PAX6: variants seen among roughly 807,000 people sequenced by gnomAD.
The protein encoded by PAX6 is paired box protein Pax-6.
Under a neutral mutation model 60.7 loss-of-function variants are expected in PAX6, and 7 were observed. That is an observed-to-expected ratio of 0.12 (90% CI 0.07 to 0.22). The LOEUF (loss-of-function observed/expected upper bound fraction) is 0.22. Ranked by LOEUF, PAX6 falls within the 10% of genes least tolerant of loss-of-function variation. PAX6 has a pLI of 1.00. For synonymous variants in PAX6, 208 were observed against 201.2 expected, an observed-to-expected ratio of 1.03 and a Z score of -0.29; for missense variants, 355 against 555.2, an observed-to-expected ratio of 0.64 and a Z score of 3.62.
upstream of PAX6, among the ~76,000 whole-genome samples, chr11:31,815,902 G>A (rs965764562): frequency 1.3e-5 from 2 of 152,238 alleles, no homozygotes; most frequent in Non-Finnish European, 2.9e-5. Flanking sequence ...GGACAGAGGG[G>A]CTGACAGGAA....
At chr11:31,797,715 G>A (rs1952068944) in intron 8 of PAX6, among the ~76,000 whole-genome samples, 1 of 152,142 alleles carries the variant, frequency 6.6e-6, no homozygotes, top group Admixed American at 6.5e-5. Context: ...CCACTTTAGT[G>A]GATTTGCCTT....
intron 8 of PAX6, among the ~76,000 whole-genome samples, chr11:31,798,842 G>C (rs1198031522): frequency 6.6e-6 from 1 of 152,206 alleles, no homozygotes; most frequent in Non-Finnish European, 1.5e-5. Flanking sequence ...CGAATCGGGC[G>C]CCACCTCTGG....
At chr11:31,793,046 C>T (rs1224866435) in intron 12 of PAX6, 5 of 578,814 alleles carry the variant, frequency 8.6e-6, no homozygotes, top group Non-Finnish European at 1.5e-5. Flanking sequence ...ATTTAGCATA[C>T]AAACACATTA....
At chr11:31,815,763 G>A (rs1331275785), upstream of PAX6, among the ~76,000 whole-genome samples, 1 of 130,612 alleles carries the variant, frequency 7.7e-6, no homozygotes, top group African/African-American at 3.0e-5. Flanking sequence ...ATTTGTCAGC[G>A]CTATCTCCAA....
chr11:31,789,436 C>A lies in PAX6; in HGVS notation c.*498G>T. ...TGACATAAATCTAGTGCATGTTGTT[C>A]CAGGTTTAATTATATGCAAAGGAAT... On this transcript the variant is annotated 3_prime_UTR_variant, in exon 14 of 14. Transcript: ENST00000640368. 2.4e-6 allele frequency: 1 copy of A among 416,866 alleles called. No homozygotes were observed. The highest frequency in any genetic ancestry group is 4.2e-6 in the Non-Finnish European group (1 of 237,270). 25.8% of individuals were successfully genotyped at this position (416,866 alleles called of 1,614,324 possible).
rs905760250 is a variant in PAX6, at chr11:31,790,646, G to A, written c.1225+64C>T. ...CCCTCCCATAAGACCAGGAGATTCT[G>A]TTTGGGTAAACTTCTAGTGAAGAGA... On this transcript the variant is annotated intron_variant, in intron 13 of 13. Coordinates refer to ENST00000640368, the MANE Select transcript of PAX6 (RefSeq NM_001368894.2). 2.5e-6 allele frequency: 4 copies of A among 1,607,822 alleles called. No homozygotes were observed. In the African/African-American group the frequency reaches 4.0e-5, roughly 16 times the overall value.
chr11:31,796,351 G>A (rs986656809), intron 8 of PAX6, among the ~76,000 whole-genome samples: 1 of 152,136 alleles, frequency 6.6e-6, no homozygotes. Context: ...GGGCCACATT[G>A]TGTTACAAGA....
intron 12 of PAX6, chr11:31,792,265 G>A (rs960825091): frequency 2.0e-5 from 3 of 152,150 alleles, no homozygotes; most frequent in African/African-American, 4.8e-5. Context: ...AAATTCCAAC[G>A]CAGTTATAGC....
intron 7 of PAX6, 115 bp downstream of exon 7, chr11:31,801,446 T>A: frequency 6.3e-7 from 1 of 1,576,056 alleles, no homozygotes; most frequent in East Asian, 2.3e-5. Flanking sequence ...GAGACAAATG[T>A]GGAGCAGGGA....
chr11:31,805,552 C>G (rs1592599211), intron 4 of PAX6: 1 of 152,678 alleles, frequency 6.5e-6, no homozygotes, highest in South Asian at 2.1e-4. Flanking sequence ...GTGCCTCAAC[C>G]GTAACCTCAA....
At chr11:31,790,097 CA>C (rs1171009926) in intron 13 of PAX6, 78 bp from the exon 14 acceptor site, 732 of 144,922 alleles carry the variant, frequency 5.1e-3, no homozygotes, top group East Asian at 0.017. Context: ...TATAGGTTTA[CA>C]AAAAAAAAAA....
At chr11:31,806,515 T>C in intron 3 of PAX6, 53 bp from the exon 4 acceptor site, 1 of 1,426,160 alleles carries the variant, frequency 7.0e-7, no homozygotes, top group Non-Finnish European at 9.7e-7. Flanking sequence ...CAGGTAGGCC[T>C]GAACTCCCAA....
At chr11:31,790,349 GCAAAAGGT>G (rs978984665) in intron 13 of PAX6, 2 of 847,898 alleles carry the variant, frequency 2.4e-6, no homozygotes, top group African/African-American at 3.5e-5. Flanking sequence ...TTTATTTCCA[GCAAAAGGT>G]CTAGAGGAGC....
rs1265158533 is a variant in PAX6, at chr11:31,800,859, G to T, written c.400-3C>A. 6.2e-7 allele frequency: 1 copy of T among 1,613,924 alleles called. No homozygotes were observed. Among genetic ancestry groups the T allele is most frequent in the Non-Finnish European group, 8.5e-7 (1 of 1,179,932 alleles). ...AGAACTCTGTTTATTGATGACACCT[G>T]CAAATCAAACCAAAATCAAACCAAA... On this transcript the variant is annotated splice_region_variant and splice_polypyrimidine_tract_variant and intron_variant, in intron 7 of 13. Coordinates refer to ENST00000640368, the MANE Select transcript of PAX6 (RefSeq NM_001368894.2).
chr11:31,814,990 GTC>G (rs71060502), upstream of PAX6: 33,063 of 130,204 alleles, frequency 0.25, 4,025 homozygotes, highest in South Asian at 0.29. Context: ...AGGCCAGCCT[GTC>G]TCTCTCTCTC....
chr11:31,815,888 C>A (rs571410976), upstream of PAX6, among the ~76,000 whole-genome samples: 1 of 152,212 alleles, frequency 6.6e-6, no homozygotes, highest in Non-Finnish European at 1.5e-5. Context: ...AACCGCTGCC[C>A]GGGGGACAGA....
chr11:31,811,792 C>G (rs2135421428), upstream of PAX6: 1 of 148,182 alleles, frequency 6.7e-6, no homozygotes, highest in African/African-American at 2.5e-5. Flanking sequence ...ACAGCGGCGG[C>G]CGCACCCCAG....
chr11:31,806,696 C>T (rs2135305463), intron 3 of PAX6, 153 bp downstream of exon 3: 1 of 503,582 alleles, frequency 2.0e-6, no homozygotes, highest in East Asian at 3.1e-5. Context: ...GTTTCCCCTA[C>T]ATTCTTTAGC....
At chr11:31,814,397 T>G (rs951814137), upstream of PAX6, 10 of 152,294 alleles carry the variant, frequency 6.6e-5, no homozygotes, top group African/African-American at 2.4e-4. Context: ...GGCAAAGAAG[T>G]GCCCACTTCT....
Sources: allele counts gnomAD v4.1 joint callset (sites outside exome capture counted in the v4.1 genomes callset), GRCh38; gene constraint gnomAD v4.1.1; transcripts MANE v1.5; gene names NCBI Gene and HGNC (gene_info 2026-07-23, HGNC 2026-07-21).